Variants in DNM3 observed in about 807,000 individuals in gnomAD.
The protein encoded by DNM3 is dynamin-3.
A neutral mutation model predicts 101.6 loss-of-function variants in DNM3; 47 were observed. The ratio of observed to expected loss-of-function variants is 0.46; its 90% CI spans 0.37 to 0.59. DNM3 has a LOEUF of 0.59. DNM3 is among the 20% of genes least tolerant of loss of function. The pLI, the probability that DNM3 is intolerant of heterozygous loss-of-function variation, is 0.00. For synonymous variants in DNM3, 385 were observed against 387.9 expected, an observed-to-expected ratio of 0.99 and a Z score of 0.09; for missense variants, 849 against 1,085.7, an observed-to-expected ratio of 0.78 and a Z score of 3.06.
At chr1:172,233,418 AG>A (rs1319475778) in intron 14 of DNM3, among the ~76,000 whole-genome samples, 2 of 152,178 alleles carry the variant, frequency 1.3e-5, no homozygotes, top group Admixed American at 1.3e-4. Flanking sequence ...AACCAAAAAA[AG>A]TCCAGGACCA....
chr1:172,154,334 C>T (rs567448865), intron 14 of DNM3, among the ~76,000 whole-genome samples: 4 of 151,970 alleles, frequency 2.6e-5, no homozygotes, highest in Non-Finnish European at 5.9e-5. Flanking sequence ...GATTTTAAAA[C>T]TGAGTTGAAG....
Position 171,989,830 on chromosome 1 carries a change from A to G in DNM3, c.589+682A>G, listed in dbSNP as rs553822600. 7.1e-4 allele frequency among the ~76,000 whole-genome samples: 108 copies of G among 152,174 alleles called. 1 individual carries two copies. Among genetic ancestry groups the G allele is most frequent in the Admixed American group, 1.4e-3 (22 of 15,272 alleles). On this transcript the variant is annotated intron_variant, in intron 4 of 20. Coordinates refer to ENST00000627582, the MANE Select transcript of DNM3 (RefSeq NM_015569.5). ...AATGATGTGCCCTTTCAATATGGAGATACATGTTCTTCAGTTCTAGGAATT... is the reference window on the plus strand; with the variant it reads ...AATGATGTGCCCTTTCAATATGGAGGTACATGTTCTTCAGTTCTAGGAATT...
chr1:172,087,361 T>C (rs1276725251), intron 12 of DNM3, among the ~76,000 whole-genome samples: 1 of 152,108 alleles, frequency 6.6e-6, no homozygotes, highest in Non-Finnish European at 1.5e-5. Context: ...TCTTACCCAC[T>C]CCAATGGTTT....
intron 15 of DNM3, among the ~76,000 whole-genome samples, chr1:172,293,846 C>A (rs1194455646): frequency 6.6e-6 from 1 of 152,128 alleles, no homozygotes; most frequent in Non-Finnish European, 1.5e-5. Context: ...AGTGAAGAGC[C>A]CCTGAAAGAA....
intron 4 of DNM3, among the ~76,000 whole-genome samples, chr1:172,006,599 A>G (rs750298572): frequency 1.6e-4 from 24 of 151,820 alleles, no homozygotes; most frequent in Non-Finnish European, 3.2e-4. Flanking sequence ...TTATTTATTT[A>G]TTTTTCATGT....
chr1:172,086,900 TG>T (rs2147780584), intron 12 of DNM3, among the ~76,000 whole-genome samples: 1 of 152,222 alleles, frequency 6.6e-6, no homozygotes, highest in East Asian at 1.9e-4. Context: ...AGTTGAAATG[TG>T]GGTAGAGGTA....
intron 8 of DNM3, among the ~76,000 whole-genome samples, chr1:172,042,880 T>C (rs2049491098): frequency 6.6e-6 from 1 of 152,126 alleles, no homozygotes; most frequent in Non-Finnish European, 1.5e-5. Context: ...TGTGACTTGA[T>C]TTGTTGATGA....
At chr1:171,852,166 A>G (rs1463941798) in intron 1 of DNM3, among the ~76,000 whole-genome samples, 2 of 152,204 alleles carry the variant, frequency 1.3e-5, no homozygotes, top group African/African-American at 2.4e-5. Context: ...TCCAAAATAC[A>G]TTATATTTAT....
intron 11 of DNM3, among the ~76,000 whole-genome samples, chr1:172,070,611 A>G (rs1337773955): frequency 1.3e-5 from 2 of 152,246 alleles, no homozygotes; most frequent in East Asian, 3.9e-4. Context: ...AAACTTCACC[A>G]TGTTGTTAAG....
At chr1:171,866,631 A>C (rs776773996) in intron 1 of DNM3, among the ~76,000 whole-genome samples, 2 of 152,008 alleles carry the variant, frequency 1.3e-5, no homozygotes, top group African/African-American at 2.4e-5. Context: ...TTCCTCTATA[A>C]AGCTTTCCTA....
chr1:172,006,401 T>G (rs1444767351), intron 4 of DNM3, among the ~76,000 whole-genome samples: 1 of 152,076 alleles, frequency 6.6e-6, no homozygotes. Context: ...GCCTTCTTCT[T>G]GTAAAAACTT....
At chr1:171,930,499 T>C (rs2040919115) in intron 2 of DNM3, among the ~76,000 whole-genome samples, 1 of 152,156 alleles carries the variant, frequency 6.6e-6, no homozygotes, top group Admixed American at 6.5e-5. Context: ...GTGGCTGCTC[T>C]GCTGAGATTC....
intron 4 of DNM3, among the ~76,000 whole-genome samples, chr1:172,013,546 G>A (rs1456518966): frequency 6.6e-6 from 1 of 152,054 alleles, no homozygotes; most frequent in Non-Finnish European, 1.5e-5. Flanking sequence ...ATATAAGCAG[G>A]CTCCTAGTGT....
intron 14 of DNM3, among the ~76,000 whole-genome samples, chr1:172,233,121 CA>C (rs1328029854): frequency 6.6e-6 from 1 of 152,034 alleles, no homozygotes; most frequent in African/African-American, 2.4e-5. Flanking sequence ...AAAAGATCAA[CA>C]AAATTGATAG....
At chr1:172,024,033 CT>C (rs2048028367) in intron 4 of DNM3, among the ~76,000 whole-genome samples, 1 of 151,972 alleles carries the variant, frequency 6.6e-6, no homozygotes, top group Admixed American at 6.6e-5. Context: ...GCAATAAGTT[CT>C]CCTTTCTCTC....
At chr1:172,306,223 TC>T (rs2064803212) in intron 15 of DNM3, among the ~76,000 whole-genome samples, 1 of 152,166 alleles carries the variant, frequency 6.6e-6, no homozygotes, top group Admixed American at 6.5e-5. Context: ...TCACAAGCAT[TC>T]TTATACACCA....
rs145178902 is a variant in DNM3, at chr1:171,993,498, C to CTTTT, written c.589+4363_589+4366dup. Among the ~76,000 whole-genome samples the CTTTT allele has an allele frequency of 4.1e-3, 532 of 128,644 alleles. 13 individuals carry two copies. Among genetic ancestry groups the CTTTT allele is most frequent in the East Asian group, 9.5e-3 (42 of 4,426 alleles). 84.4% of individuals were successfully genotyped at this position (128,644 alleles called of 152,430 possible). A position where few individuals can be genotyped will look rare whatever the true frequency, so the allele number is the denominator to read the frequency against. ...CTTCTCTCCTGCTGCTTTCAAGATT[C>CTTTT]TTTTTTTTTTTTTTTTGTCTTTTGG... On this transcript the variant is annotated intron_variant, in intron 4 of 20. Transcript: ENST00000627582.
intron 17 of DNM3, chr1:172,376,291 G>A (rs2068597197): frequency 6.6e-6 from 1 of 152,018 alleles, no homozygotes; most frequent in Non-Finnish European, 1.5e-5. Flanking sequence ...GCACATAAAA[G>A]GTTAAATGTT....
intron 15 of DNM3, among the ~76,000 whole-genome samples, chr1:172,306,562 G>C (rs545662269): frequency 6.6e-6 from 1 of 152,102 alleles, no homozygotes; most frequent in East Asian, 1.9e-4. Context: ...AAAAGAGCCC[G>C]CATTGCCAAG....
Sources: allele counts gnomAD v4.1 joint callset (sites outside exome capture counted in the v4.1 genomes callset), GRCh38; gene constraint gnomAD v4.1.1; transcripts MANE v1.5; gene names NCBI Gene and HGNC (gene_info 2026-07-23, HGNC 2026-07-21).